The following COL6A3 variants were observed in gnomAD, a reference collection of about 807,000 sequenced individuals.
COL6A3 encodes the protein collagen alpha-3(VI) chain.
COL6A3 carries 137 observed loss-of-function variants against 274.1 expected under a neutral mutation model. That is an observed-to-expected ratio of 0.50 (90% CI 0.44 to 0.58). The LOEUF (loss-of-function observed/expected upper bound fraction) is 0.58, where lower values mean the gene tolerates loss of function less well. COL6A3 is among the 20% of genes least tolerant of loss of function. The pLI is 0.00. For synonymous variants in COL6A3, 1,650 were observed against 1,650.6 expected (o/e 1.00, Z 0.01); for missense variants, 3,950 against 4,124.9 (o/e 0.96, Z 1.16).
At chr2:237,389,827 G>A (rs2078243027) in intron 3 of COL6A3, among the ~76,000 whole-genome samples, 1 of 152,244 alleles carries the variant, frequency 6.6e-6, no homozygotes, top group African/African-American at 2.4e-5. Context: ...TTGTGCTACA[G>A]TAATTAAGAT....
chr2:237,346,767 C>A (rs2077105936), intron 31 of COL6A3, among the ~76,000 whole-genome samples: 2 of 152,118 alleles, frequency 1.3e-5, no homozygotes, highest in African/African-American at 4.8e-5. Context: ...GGGAGTCCCC[C>A]ACCAACTATA....
Position 237,365,820 on chromosome 2 carries a change from A to G in COL6A3, c.5716T>C (p.Tyr1906His), listed in dbSNP as rs148613877. 13 of 1,613,918 alleles carry G rather than the reference A, an allele frequency of 8.1e-6. No individual in the cohort carries two copies. The African/African-American group carries it at 1.2e-4, about 15-fold the overall frequency. ...GPVEAFDFDE[Y>H]QPEMLEKFRN... ...AACTTCTCGAGCATCTCTGGCTGGT[A>G]CTCGTCAAAGTCAAAGGCCTCCACC... is the stretch of plus-strand genomic sequence containing the variant. The change falls in exon 12 of 44, where the codon TAC (tyrosine) becomes CAC (histidine). Residue 1906 changes from tyrosine (Y) to histidine (H), a missense_variant. Tyr to His is a moderately conservative substitution (Grantham distance 83, BLOSUM62 2). Coordinates refer to ENST00000295550, the MANE Select transcript of COL6A3 (RefSeq NM_004369.4).
intron 1 of COL6A3, 82 bp from the exon 2 acceptor site, chr2:237,396,929 C>T (rs571472262): frequency 7.1e-5 from 69 of 976,732 alleles, no homozygotes; most frequent in Middle Eastern, 2.1e-4. Context: ...ATGCTTTCTA[C>T]GTCCTTTTTA....
intron 1 of COL6A3, among the ~76,000 whole-genome samples, chr2:237,399,370 C>T (rs1410396461): frequency 2.0e-5 from 3 of 152,218 alleles, no homozygotes; most frequent in African/African-American, 4.8e-5. Context: ...AGCCATGCCT[C>T]TCTTCCAGCC....
chr2:237,331,085 G>A (rs961423698), intron 42 of COL6A3, among the ~76,000 whole-genome samples: 1 of 152,146 alleles, frequency 6.6e-6, no homozygotes, highest in Admixed American at 6.5e-5. Context: ...GCTGCAGAAA[G>A]TAAGAGGAAT....
At chr2:237,347,609 A>G (rs181857550) in intron 31 of COL6A3, among the ~76,000 whole-genome samples, 198 bp downstream of exon 31, 2 of 152,304 alleles carry the variant, frequency 1.3e-5, no homozygotes, top group East Asian at 1.9e-4. Flanking sequence ...GAATACACCT[A>G]CAGGAGGAGA....
chr2:237,386,903 G>C (rs1431694191), intron 4 of COL6A3, among the ~76,000 whole-genome samples: 1 of 151,508 alleles, frequency 6.6e-6, no homozygotes, highest in Admixed American at 6.6e-5. Context: ...ATGTGACTTG[G>C]TTGGTTTTTT....
intron 2 of COL6A3, 127 bp from the exon 3 acceptor site, chr2:237,395,331 A>G: frequency 1.0e-6 from 1 of 975,276 alleles, no homozygotes. Context: ...CCTCACTGAT[A>G]ATACAGGAAG....
intron 1 of COL6A3, among the ~76,000 whole-genome samples, chr2:237,406,300 C>T (rs1039314984): frequency 9.9e-5 from 15 of 152,142 alleles, no homozygotes; most frequent in African/African-American, 3.4e-4. Context: ...GAAAGAGACA[C>T]ACACGCATGC....
At chr2:237,390,727 G>C (rs1229571461) in intron 3 of COL6A3, among the ~76,000 whole-genome samples, 1 of 152,052 alleles carries the variant, frequency 6.6e-6, no homozygotes, top group Non-Finnish European at 1.5e-5. Context: ...CTTTCATTAA[G>C]AAAAACAAGT....
At chr2:237,375,870 G>A (rs1328199008) in intron 7 of COL6A3, among the ~76,000 whole-genome samples, 1 of 152,152 alleles carries the variant, frequency 6.6e-6, no homozygotes, top group East Asian at 1.9e-4. Flanking sequence ...CTAAATTTGT[G>A]TTACTTTGTT....
chr2:237,352,978 T>A (rs546017512), intron 25 of COL6A3, among the ~76,000 whole-genome samples: 103 of 152,290 alleles, frequency 6.8e-4, no homozygotes, highest in Non-Finnish European at 1.2e-3. Flanking sequence ...CATGCTGCAA[T>A]GTGGATGAAG....
rs72984147 is a variant in COL6A3 at position 237,325,022 on chromosome 2, T to A, written c.9494-208A>T. Among the ~76,000 whole-genome samples the A allele has an allele frequency of 0.073, 11,102 of 152,138 alleles. 507 individuals are homozygous for A. The highest frequency in any genetic ancestry group is 0.1 in the Non-Finnish European group (7,102 of 67,978). The stretch of plus-strand genomic sequence containing the variant: ...CCTGGGGCCCCGGGGCCCAGGGATG[T>A]CTGGGAAATCTGATCCCATTCTTTT... On this transcript the variant is annotated intron_variant, in intron 43 of 43. Transcript: ENST00000295550.
intron 4 of COL6A3, among the ~76,000 whole-genome samples, chr2:237,383,356 T>C (rs983435334): frequency 6.6e-6 from 1 of 152,232 alleles, no homozygotes; most frequent in Non-Finnish European, 1.5e-5. Context: ...CTTTTCTCAA[T>C]ATTTCATGGT....
rs771558308 is a variant in COL6A3 at position 237,376,991 on chromosome 2, T to C, written c.2851A>G (p.Arg951Gly). ...GGCCCATCCACACGGTCAGATGACCTTCCTGCGACCAGCAGCACCAGGAAC... is the reference window on the plus strand; with the variant it reads ...GGCCCATCCACACGGTCAGATGACCCTCCTGCGACCAGCAGCACCAGGAAC... The part of the protein sequence containing the change: ...LQFLVLLVAG[R>G]SSDRVDGPAS... The change falls in exon 7 of 44, where the codon AGG (arginine) becomes GGG (glycine). Residue 951 changes from arginine (R) to glycine (G), a missense_variant. This residue lies in a region of COL6A3 where 1,934 missense variants were observed against 1,984.3 expected (regional missense o/e 0.97). Coordinates refer to ENST00000295550, the MANE Select transcript of COL6A3 (RefSeq NM_004369.4). 4.3e-6 allele frequency: 7 copies of C among 1,614,206 alleles called. No individual in the cohort carries two copies. The South Asian group carries it at 7.7e-5, about 18-fold the overall frequency.
intron 1 of COL6A3, among the ~76,000 whole-genome samples, chr2:237,410,654 TA>T: frequency 6.6e-6 from 1 of 152,198 alleles, no homozygotes; most frequent in East Asian, 1.9e-4. Context: ...CAGAATGTAT[TA>T]AAAATTATAT....
intron 1 of COL6A3, among the ~76,000 whole-genome samples, chr2:237,405,184 T>A (rs190146067): frequency 6.6e-6 from 1 of 152,256 alleles, no homozygotes; most frequent in East Asian, 1.9e-4. Context: ...TTGACTGAGC[T>A]GAATTCCCAG....
Position 237,394,967 on chromosome 2 carries a change from G to C in COL6A3, c.329C>G (p.Ser110Cys). 6.2e-7 allele frequency: 1 copy of C among 1,614,110 alleles called. No homozygotes were observed. The highest frequency in any genetic ancestry group is 1.3e-5 in the African/African-American group (1 of 75,014). ...QEVLSHISNMSYIGGTNQTGK... is the reference protein window; with the variant it reads ...QEVLSHISNMCYIGGTNQTGK... Reference sequence around the variant, plus strand: ...AGTCTGATTGGTTCCCCCAATATAAGACATGTTGGAAATATGAGAAAGGAC... The same window carrying C: ...AGTCTGATTGGTTCCCCCAATATAACACATGTTGGAAATATGAGAAAGGAC... The change falls in exon 3 of 44, where the codon TCT (serine) becomes TGT (cysteine). Residue 110 changes from serine to cysteine, a missense_variant. Physicochemically the swap from Ser to Cys is moderately radical, Grantham distance 112. Around this residue, in one of 5 missense-constraint regions of COL6A3, gnomAD observed 1,934 missense variants for 1,984.3 expected, o/e 0.97. Transcript: ENST00000295550.
At position 237,350,190 on chromosome 2, in the gene COL6A3, C is replaced by T. The variant is rs772576318; in HGVS notation, c.6836G>A (p.Gly2279Glu). The change falls in exon 28 of 44, where the codon GGA becomes GAA. Residue 2279 changes from glycine (G) to glutamate (E), a missense_variant. Physicochemically the swap from Gly to Glu is moderately conservative, Grantham distance 98. Around this residue, in one of 5 missense-constraint regions of COL6A3, gnomAD observed 1,284 missense variants for 1,349.7 expected, o/e 0.95. Coordinates refer to ENST00000295550, the MANE Select transcript of COL6A3 (RefSeq NM_004369.4). The stretch of plus-strand genomic sequence containing the variant: ...CCGGTTCCCGATTCCTCCTTTTGGT[C>T]CTGGCTCTCCGGGCTCACCCTAGAC... Reference protein sequence around the residue: ...LGRKGEPGEPGPKGGIGNRGP... With the variant: ...LGRKGEPGEPEPKGGIGNRGP... The T allele has an allele frequency of 6.2e-7, 1 of 1,614,118 alleles. No homozygotes were observed. Among genetic ancestry groups the T allele is most frequent in the Non-Finnish European group, 8.5e-7 (1 of 1,179,984 alleles).
Sources: allele counts gnomAD v4.1 joint callset (sites outside exome capture counted in the v4.1 genomes callset), GRCh38; gene constraint gnomAD v4.1.1; regional missense constraint gnomAD v4.1.1; transcripts MANE v1.5; gene names NCBI Gene and HGNC (gene_info 2026-07-23, HGNC 2026-07-21).